Variants in SERBP1 observed in about 807,000 individuals in gnomAD.
SERBP1 encodes the protein SERPINE1 mRNA binding protein 1.
SERBP1 carries 6 observed loss-of-function variants against 50.2 expected under a neutral mutation model. The ratio of observed to expected loss-of-function variants is 0.12; its 90% CI spans 0.07 to 0.24. SERBP1 has a LOEUF of 0.24. SERBP1 is among the 10% of genes least tolerant of loss of function. The pLI, the probability that SERBP1 is intolerant of heterozygous loss-of-function variation, is 1.00. For synonymous variants in SERBP1, 168 were observed against 182.8 expected, an observed-to-expected ratio of 0.92 and a Z score of 0.65; for missense variants, 346 against 524.9, an observed-to-expected ratio of 0.66 and a Z score of 3.33.
Position 67,424,055 on chromosome 1 carries a change from C to T in SERBP1, c.773+145G>A, listed in dbSNP as rs1570299391. The T allele has an allele frequency of 1.2e-5, 9 of 752,238 alleles. No individual in the cohort carries two copies. The East Asian group carries it at 2.6e-4, about 22-fold the overall frequency. The allele number at this position is 752,238 out of a possible 1,614,324, so 46.6% of individuals were successfully genotyped here. A position where few individuals can be genotyped will look rare whatever the true frequency, so the allele number is the denominator to read the frequency against. On this transcript the variant is annotated intron_variant, in intron 5 of 7. Transcript: ENST00000361219. Reference sequence around the variant, plus strand: ...AAAAAAAAGCATTCTTTCAAATACTCTTTGAGGGATGAGGGTACAGTAAGT... The same window carrying T: ...AAAAAAAAGCATTCTTTCAAATACTTTTTGAGGGATGAGGGTACAGTAAGT...
At chr1:67,419,603 A>T (rs1667140632) in intron 6 of SERBP1, among the ~76,000 whole-genome samples, 1 of 152,002 alleles carries the variant, frequency 6.6e-6, no homozygotes, top group South Asian at 2.1e-4. Flanking sequence ...AGTCACTTAC[A>T]TTTTAGGTTA....
chr1:67,418,063 C>T (rs1359910127), intron 6 of SERBP1, among the ~76,000 whole-genome samples: 4 of 141,116 alleles, frequency 2.8e-5, no homozygotes, highest in Non-Finnish European at 6.0e-5. Flanking sequence ...GCAACCTCTG[C>T]CTCCTGTGTT....
intron 6 of SERBP1, among the ~76,000 whole-genome samples, chr1:67,417,913 T>TCCCCTTAA (rs1667069276): frequency 6.6e-6 from 1 of 150,388 alleles, no homozygotes; most frequent in African/African-American, 2.4e-5. Flanking sequence ...GTTTCTTCCT[T>TCCCCTTAA]CCCCTTAACT....
chr1:67,417,203 T>C (rs1021565200), intron 6 of SERBP1: 1 of 152,080 alleles, frequency 6.6e-6, no homozygotes, highest in Non-Finnish European at 1.5e-5. Context: ...CAAAATAAAG[T>C]GTATGAGGGA....
chr1:67,416,232 C>G (rs545675915), intron 6 of SERBP1, among the ~76,000 whole-genome samples: 3 of 152,288 alleles, frequency 2.0e-5, no homozygotes, highest in African/African-American at 7.2e-5. Context: ...AGGCTGGTCT[C>G]AAACTCCTAG....
intron 1 of SERBP1, among the ~76,000 whole-genome samples, chr1:67,428,545 T>C (rs1250439840): frequency 6.6e-6 from 1 of 152,200 alleles, no homozygotes; most frequent in East Asian, 1.9e-4. Context: ...ATTAAATGAT[T>C]TATTTAATTG....
chr1:67,415,805 T>C (rs1182891213), intron 6 of SERBP1, among the ~76,000 whole-genome samples: 4 of 152,180 alleles, frequency 2.6e-5, no homozygotes, highest in African/African-American at 7.2e-5. Context: ...AACTCTGTTC[T>C]ACACTCTTCC....
intron 5 of SERBP1, among the ~76,000 whole-genome samples, chr1:67,421,724 C>A (rs577829458): frequency 1.3e-5 from 2 of 151,796 alleles, no homozygotes; most frequent in Non-Finnish European, 2.9e-5. Flanking sequence ...GAGGCCAAGG[C>A]GGGAGGATCA....
chr1:67,417,057 T>C lies in SERBP1; in HGVS notation c.952-1718A>G, dbSNP rs544279278. Among the ~76,000 whole-genome samples, 10 of 151,906 alleles carry C rather than the reference T, an allele frequency of 6.6e-5. No individual in the cohort carries two copies. The South Asian group carries it at 1.5e-3, about 22-fold the overall frequency. On this transcript the variant is annotated intron_variant, in intron 6 of 7. Coordinates refer to ENST00000361219, the MANE Select transcript of SERBP1 (RefSeq NM_001018069.2). ...CAGAAGGGCTGCTTGAGTCCAGGAG[T>C]TGGCACAGGTGTGTAGTTCCAGCTA... is the stretch of plus-strand genomic sequence containing the variant.
chr1:67,426,015 T>C (rs1667362142), intron 2 of SERBP1, 120 bp downstream of exon 2: 6 of 814,710 alleles, frequency 7.4e-6, no homozygotes, highest in Non-Finnish European at 1.1e-5. Flanking sequence ...AAGAGGAGAC[T>C]GAGATGAGAG....
chr1:67,423,609 A>G (rs559874881), intron 5 of SERBP1, among the ~76,000 whole-genome samples: 134 of 152,192 alleles, frequency 8.8e-4, no homozygotes, highest in African/African-American at 3.2e-3. Flanking sequence ...CTTGTCTCAA[A>G]AAAAGAAAAA....
chr1:67,429,920 T>C (rs890855370), intron 1 of SERBP1, 68 bp downstream of exon 1: 94 of 1,474,348 alleles, frequency 6.4e-5, no homozygotes, highest in African/African-American at 8.5e-5. Context: ...CAGAAACAAG[T>C]GGCAGCCGGC....
chr1:67,414,586 T>C (rs1388154887), intron 7 of SERBP1, among the ~76,000 whole-genome samples: 3 of 152,228 alleles, frequency 2.0e-5, no homozygotes, highest in African/African-American at 4.8e-5. Flanking sequence ...AATATTTCTC[T>C]AAGAACTTGT....
chr1:67,430,047 C>A lies in SERBP1; in HGVS notation c.254G>T (p.Ser85Ile), dbSNP rs780354483. ...CTCTTTCTTGTCAACCACGCCAACG[C>A]TGGGGGGCAGCGGGTTCTTGCGGTC... is the stretch of plus-strand genomic sequence containing the variant. ...QKDRKNPLPP[S>I]VGVVDKKEET... The change falls in exon 1 of 8, where the codon AGC (serine) becomes ATC (isoleucine). Residue 85 changes from serine to isoleucine, a missense_variant. Ser to Ile is a moderately radical substitution (Grantham distance 142, BLOSUM62 -2). Around this residue, in one of 5 missense-constraint regions of SERBP1, gnomAD observed 257 missense variants for 331.2 expected, o/e 0.78. Coordinates refer to ENST00000361219, the MANE Select transcript of SERBP1 (RefSeq NM_001018069.2). The A allele has an allele frequency of 7.4e-6, 12 of 1,613,514 alleles. No individual in the cohort carries two copies. Among genetic ancestry groups the A allele is most frequent in the South Asian group, 1.1e-5 (1 of 91,060 alleles).
chr1:67,430,344 CGCGCCGA>C lies in SERBP1; in HGVS notation c.-51_-45del. 6.7e-7 allele frequency: 1 copy of C among 1,490,842 alleles called. No individual in the cohort carries two copies. Among genetic ancestry groups the C allele is most frequent in the Non-Finnish European group, 8.9e-7 (1 of 1,120,636 alleles). The allele number at this position is 1,490,842 out of a possible 1,614,324, so 92.4% of individuals were successfully genotyped here. On this transcript the variant is annotated 5_prime_UTR_variant, in exon 1 of 8. Transcript: ENST00000361219. The stretch of plus-strand genomic sequence containing the variant: ...CGTTCCTCCACGGATTGCAGCGGGC[CGCGCCGA>C]GCCAAGAGCGCCTGCTTCAGCTCTT...
At chr1:67,427,665 T>C (rs2100445646) in intron 1 of SERBP1, among the ~76,000 whole-genome samples, 1 of 152,298 alleles carries the variant, frequency 6.6e-6, no homozygotes, top group Non-Finnish European at 1.5e-5. Context: ...ATGGAACCAG[T>C]CCTTGCAATA....
chr1:67,423,445 A>G (rs753315933), intron 5 of SERBP1, among the ~76,000 whole-genome samples: 2 of 152,056 alleles, frequency 1.3e-5, no homozygotes, highest in Non-Finnish European at 2.9e-5. Flanking sequence ...TGTCTCTACT[A>G]AAAATACAAA....
In SERBP1 at chr1:67,409,391, A is replaced by ACC. The variant is rs1666747437; in HGVS notation, c.*3815_*3816insGG. 1 of 100,434 alleles carries ACC rather than the reference A, an allele frequency of 1.0e-5. No individual in the cohort carries two copies. The allele number at this position is 100,434 out of a possible 1,614,324, so 6.2% of individuals were successfully genotyped here. A position where few individuals can be genotyped will look rare whatever the true frequency, so the allele number is the denominator to read the frequency against. ...ATTCTTAACTCAGGGACACGGACAC[A>ACC]CACACACACACACACACACACACAC... On this transcript the variant is annotated 3_prime_UTR_variant, in exon 8 of 8. Transcript: ENST00000361219.
chr1:67,409,430 C>CACACA lies in SERBP1; in HGVS notation c.*3776_*3777insTGTGT, dbSNP rs1264200348. ...ACACACACACACACACCCCCACACA[C>CACACA]ACCAGGTCACAGGCTGAACTTTGCT... On this transcript the variant is annotated 3_prime_UTR_variant, in exon 8 of 8. Coordinates refer to ENST00000361219, the MANE Select transcript of SERBP1 (RefSeq NM_001018069.2). The CACACA allele has an allele frequency of 2.7e-5, 4 of 148,354 alleles. No individual in the cohort carries two copies. The highest frequency in any genetic ancestry group is 7.7e-5 in the African/African-American group (3 of 38,950). The allele number at this position is 148,354 out of a possible 1,614,324, so 9.2% of individuals were successfully genotyped here. A position where few individuals can be genotyped will look rare whatever the true frequency, so the allele number is the denominator to read the frequency against.
Sources: gnomAD v4.1 joint callset for allele counts (sites outside exome capture counted in the v4.1 genomes callset) on GRCh38, gnomAD v4.1.1 for gene constraint, gnomAD v4.1.1 regional missense constraint, MANE v1.5 for transcripts, NCBI Gene and HGNC (gene_info 2026-07-23, HGNC 2026-07-21) for gene names.